Variants in TECTA observed in about 807,000 individuals in gnomAD.
The protein encoded by TECTA is alpha-tectorin.
In TECTA, 128 loss-of-function variants were observed where a neutral mutation model predicts 216.8. The ratio of observed to expected loss-of-function variants is 0.59; its 90% confidence interval spans 0.51 to 0.68. The LOEUF (loss-of-function observed/expected upper bound fraction) is 0.68. TECTA is among the 30% of genes least tolerant of loss of function. The pLI, the probability that TECTA is intolerant of heterozygous loss-of-function variation, is 0.00. For synonymous variants in TECTA, 1,089 were observed against 1,117.1 expected, an observed-to-expected ratio of 0.97 and a Z score of 0.50; for missense variants, 2,551 against 2,786.2, an observed-to-expected ratio of 0.92 and a Z score of 1.90.
chr11:121,167,276 A>T (rs1380233940), intron 18 of TECTA, among the ~76,000 whole-genome samples: 1 of 152,158 alleles, frequency 6.6e-6, no homozygotes, highest in Non-Finnish European at 1.5e-5. Flanking sequence ...ATTTTTAAAA[A>T]ATCTAAAAAT....
Position 121,130,211 on chromosome 11 carries a change from C to G in TECTA, c.2941C>G (p.Pro981Ala), listed in dbSNP as rs774676767. 1 of 1,599,898 alleles carries G rather than the reference C, an allele frequency of 6.3e-7. No homozygotes were observed. The highest frequency in any genetic ancestry group is 1.3e-5 in the African/African-American group (1 of 75,020). Residue 981 changes from proline to alanine, a missense_variant and splice_region_variant, in exon 10 of 24, where the codon CCA becomes GCA. By Grantham distance (27) the Pro-to-Ala change is conservative. Around this residue, in one of 3 missense-constraint regions of TECTA, gnomAD observed 2,375 missense variants for 2,563.9 expected, o/e 0.93. Transcript: ENST00000392793. ...VGPWRTYDFC[P>A]LECPENSHFE... ...GCCCTGGCGGACCTATGACTTCTGC[C>G]GTAAGTTGGGGTTGGATTCTGGGAG...
chr11:121,189,922 G>C, intron 23 of TECTA, 42 bp downstream of exon 23: 1 of 1,541,976 alleles, frequency 6.5e-7, no homozygotes, highest in Non-Finnish European at 9.0e-7. Context: ...TGGGAGACAC[G>C]GGAGGTTCTT....
rs779707919 is a variant in TECTA, at chr11:121,109,222, C to T, written c.210C>T (p.Asn70=). 1.7e-5 allele frequency: 28 copies of T among 1,614,026 alleles called. No homozygotes were observed. In the South Asian group the frequency reaches 1.8e-4, roughly 10 times the overall value. The change falls in exon 4 of 24, where the codon AAC becomes AAT. Residue 70 remains asparagine (N), a synonymous_variant. Coordinates refer to ENST00000392793, the MANE Select transcript of TECTA (RefSeq NM_005422.4). ...VPYRTVYVNN[N]GVVSFNVLVS... Reference sequence around the variant, plus strand: ...TCTTATTTTCGTAGGTCAATAACAACGGAGTTGTTTCCTTCAATGTGCTAG... The same window carrying T: ...TCTTATTTTCGTAGGTCAATAACAATGGAGTTGTTTCCTTCAATGTGCTAG...
intron 15 of TECTA, 50 bp from the exon 16 acceptor site, chr11:121,162,025 T>G: frequency 6.2e-7 from 1 of 1,611,368 alleles, no homozygotes; most frequent in Non-Finnish European, 8.5e-7. Flanking sequence ...GCAATTTACC[T>G]TCCATTGGAG....
At chr11:121,126,105 T>C (rs1468503132) in intron 8 of TECTA, among the ~76,000 whole-genome samples, 1 of 152,148 alleles carries the variant, frequency 6.6e-6, no homozygotes, top group African/African-American at 2.4e-5. Context: ...TCTGGAAACA[T>C]GAAAGGCATG....
chr11:121,140,701 A>G (rs1316156225), intron 11 of TECTA, among the ~76,000 whole-genome samples: 1 of 151,934 alleles, frequency 6.6e-6, no homozygotes, highest in Admixed American at 6.5e-5. Context: ...GCAATCCTCA[A>G]TGTTCGTCAC....
In TECTA at chr11:121,191,334, T is replaced by C; in HGVS notation, c.*528T>C. The C allele has an allele frequency of 5.9e-6, 1 of 169,744 alleles. No homozygotes were observed. The highest frequency in any genetic ancestry group is 1.3e-5 in the Non-Finnish European group (1 of 77,720). The allele number at this position is 169,744 out of a possible 1,614,324, so 10.5% of individuals were successfully genotyped here. A position where few individuals can be genotyped will look rare whatever the true frequency, so the allele number is the denominator to read the frequency against. ...CTCCACCCACTGTGTCCTTCAACCT[T>C]GCCATGGCAGCTTTGGCCACTGGGG... On this transcript the variant is annotated 3_prime_UTR_variant, in exon 24 of 24. Transcript: ENST00000392793.
intron 7 of TECTA, among the ~76,000 whole-genome samples, chr11:121,122,644 T>C (rs769874033): frequency 1.7e-5 from 2 of 116,812 alleles, no homozygotes; most frequent in Non-Finnish European, 3.2e-5. Flanking sequence ...AAGACCACCC[T>C]GGGCAGCATG....
intron 20 of TECTA, among the ~76,000 whole-genome samples, chr11:121,185,361 A>G (rs1002444909): frequency 7.0e-6 from 1 of 141,952 alleles, no homozygotes; most frequent in Non-Finnish European, 1.6e-5. Context: ...TGCTTAATGA[A>G]TGAGTAGGGA....
intron 7 of TECTA, among the ~76,000 whole-genome samples, chr11:121,122,500 AT>A (rs1245988525): frequency 6.6e-6 from 1 of 152,062 alleles, no homozygotes; most frequent in Non-Finnish European, 1.5e-5. Flanking sequence ...AAAACAGAAG[AT>A]TGGTACCAGG....
chr11:121,172,023 A>G (rs1159948028), intron 20 of TECTA, among the ~76,000 whole-genome samples: 1 of 152,124 alleles, frequency 6.6e-6, no homozygotes, highest in Non-Finnish European at 1.5e-5. Context: ...GTATGATATT[A>G]TCTGTGGGTT....
rs759295785 is a variant in TECTA at position 121,137,538 on chromosome 11, A to T, written c.3059A>T (p.Asp1020Val). 1 of 1,613,860 alleles carries T rather than the reference A, an allele frequency of 6.2e-7. No individual in the cohort carries two copies. The highest frequency in any genetic ancestry group is 1.1e-5 in the South Asian group (1 of 91,060). The change falls in exon 11 of 24, where the codon GAT (aspartate) becomes GTT (valine). Residue 1020 changes from aspartate (D) to valine (V), a missense_variant. By Grantham distance (152) the Asp-to-Val change is radical. Around this residue, in one of 3 missense-constraint regions of TECTA, gnomAD observed 2,375 missense variants for 2,563.9 expected, o/e 0.93. Coordinates refer to ENST00000392793, the MANE Select transcript of TECTA (RefSeq NM_005422.4). Reference protein sequence around the residue: ...VDSCSEGCQCDEGYALLGSQC... With the variant: ...VDSCSEGCQCVEGYALLGSQC... ...AGCTGCTCTGAGGGATGTCAGTGTG[A>T]TGAGGGCTATGCTCTACTGGGCAGC...
At chr11:121,122,836 G>A (rs1946572021) in intron 7 of TECTA, among the ~76,000 whole-genome samples, 1 of 139,860 alleles carries the variant, frequency 7.2e-6, no homozygotes, top group Non-Finnish European at 1.5e-5. Flanking sequence ...CTGGGAGACA[G>A]AGCAAGACCC....
intron 12 of TECTA, among the ~76,000 whole-genome samples, chr11:121,149,985 G>C (rs767154742): frequency 6.6e-6 from 1 of 152,176 alleles, no homozygotes; most frequent in South Asian, 2.1e-4. Flanking sequence ...CATCTAGTTG[G>C]AGAAATAGAC....
At chr11:121,137,144 G>C (rs1423868498) in intron 10 of TECTA, among the ~76,000 whole-genome samples, 5 of 151,894 alleles carry the variant, frequency 3.3e-5, no homozygotes, top group African/African-American at 1.2e-4. Context: ...GCACACACAC[G>C]TGCACATGCA....
rs1270894760 is a variant in TECTA, at chr11:121,129,528, C to T, written c.2368-110C>T. ...TTGTGGGTTCCATCAGCTTCTTGAC[C>T]TCTCTCAAAAGGCTAGCAATAGGGC... On this transcript the variant is annotated intron_variant, in intron 9 of 23. Coordinates refer to ENST00000392793, the MANE Select transcript of TECTA (RefSeq NM_005422.4). 6.2e-6 allele frequency: 7 copies of T among 1,121,446 alleles called. No homozygotes were observed. The Admixed American group carries it at 1.0e-4, about 17-fold the overall frequency. The allele number at this position is 1,121,446 out of a possible 1,614,324, so 69.5% of individuals were successfully genotyped here.
intron 6 of TECTA, among the ~76,000 whole-genome samples, chr11:121,115,308 T>C (rs1472920311): frequency 6.6e-6 from 1 of 152,202 alleles, no homozygotes; most frequent in Non-Finnish European, 1.5e-5. Flanking sequence ...CATTGCATCT[T>C]TCTGAAAAGC....
At chr11:121,120,836 C>T (rs1213197871) in intron 7 of TECTA, among the ~76,000 whole-genome samples, 2 of 152,224 alleles carry the variant, frequency 1.3e-5, no homozygotes, top group Non-Finnish European at 2.9e-5. Flanking sequence ...AACAGGGAGC[C>T]AAGGCCAACT....
At chr11:121,157,751 A>G in intron 13 of TECTA, 90 bp from the exon 14 acceptor site, 1 of 1,594,216 alleles carries the variant, frequency 6.3e-7, no homozygotes, top group Non-Finnish European at 8.6e-7. Flanking sequence ...TAGGCTAGCC[A>G]AGCCTGATAA....
Sources: gnomAD v4.1 joint callset for allele counts (sites outside exome capture counted in the v4.1 genomes callset) on GRCh38, gnomAD v4.1.1 for gene constraint, gnomAD v4.1.1 regional missense constraint, MANE v1.5 for transcripts, NCBI Gene and HGNC (gene_info 2026-07-23, HGNC 2026-07-21) for gene names.